Variants in NMNAT2 observed in about 807,000 individuals in gnomAD.
NMNAT2 encodes the protein nicotinamide nucleotide adenylyltransferase 2.
NMNAT2 carries 11 observed loss-of-function variants against 41.6 expected under a neutral mutation model. That is an observed-to-expected ratio of 0.26 (90% CI 0.17 to 0.44). NMNAT2 has a LOEUF of 0.44. Among genes scored for constraint, NMNAT2 ranks in the 20% least tolerant of loss-of-function variants. NMNAT2 has a pLI of 1.00. For missense variants in NMNAT2, 288 were observed against 407.7 expected, an observed-to-expected ratio of 0.71 and a Z score of 2.53; for synonymous variants, 148 against 151.2, an observed-to-expected ratio of 0.98 and a Z score of 0.16.
intron 1 of NMNAT2, among the ~76,000 whole-genome samples, chr1:183,352,562 CAA>C (rs55706245): frequency 0.014 from 1,108 of 79,116 alleles, 5 homozygotes; most frequent in African/African-American, 0.04. Context: ...CAGTCTGTCT[CAA>C]AAAAAAAAAA....
intron 1 of NMNAT2, among the ~76,000 whole-genome samples, chr1:183,310,018 T>C (rs1371903149): frequency 6.6e-6 from 1 of 152,190 alleles, no homozygotes; most frequent in Non-Finnish European, 1.5e-5. Flanking sequence ...ACCTGAAGAA[T>C]CATGGAAATT....
At chr1:183,370,271 CACACAG>C (rs2102365743) in intron 1 of NMNAT2, among the ~76,000 whole-genome samples, 1 of 150,290 alleles carries the variant, frequency 6.7e-6, no homozygotes, top group African/African-American at 2.5e-5. Flanking sequence ...CACACACACA[CACACAG>C]GCTGCAGTGG....
At chr1:183,320,976 C>T (rs916395114) in intron 1 of NMNAT2, among the ~76,000 whole-genome samples, 1 of 152,154 alleles carries the variant, frequency 6.6e-6, no homozygotes, top group Non-Finnish European at 1.5e-5. Context: ...CAATTCTAGT[C>T]CTTTCTGTGT....
At chr1:183,312,867 A>G (rs1047840405) in intron 1 of NMNAT2, among the ~76,000 whole-genome samples, 4 of 152,262 alleles carry the variant, frequency 2.6e-5, no homozygotes, top group Non-Finnish European at 5.9e-5. Flanking sequence ...ATGCATGGAC[A>G]GGTTCAACTG....
Position 183,249,202 on chromosome 1 carries a change from T to C in NMNAT2, c.*3439A>G, listed in dbSNP as rs942085558. The C allele has an allele frequency of 4.6e-5, 7 of 152,176 alleles. No homozygotes were observed. Among genetic ancestry groups the C allele is most frequent in the Admixed American group, 1.3e-4 (2 of 15,280 alleles). The allele number at this position is 152,176 out of a possible 1,614,324, so 9.4% of individuals were successfully genotyped here. ...TAAGAGACTTTCCCCCTTGTTCCTA[T>C]GTACATTCAAGGAAAATGAAAGCAA... On this transcript the variant is annotated 3_prime_UTR_variant, in exon 11 of 11. Transcript: ENST00000287713.
chr1:183,303,687 C>T (rs971298494), intron 1 of NMNAT2, among the ~76,000 whole-genome samples: 5 of 152,248 alleles, frequency 3.3e-5, no homozygotes, highest in Admixed American at 2.6e-4. Flanking sequence ...GGCCCTCCCT[C>T]TTCAAGTTGT....
chr1:183,366,936 T>C (rs1663426111), intron 1 of NMNAT2, among the ~76,000 whole-genome samples: 1 of 152,198 alleles, frequency 6.6e-6, no homozygotes, highest in African/African-American at 2.4e-5. Flanking sequence ...GGTATCTTTA[T>C]CTAAGCACCA....
chr1:183,326,969 A>G (rs1403589280), intron 1 of NMNAT2, among the ~76,000 whole-genome samples: 2 of 152,192 alleles, frequency 1.3e-5, no homozygotes, highest in Non-Finnish European at 2.9e-5. Flanking sequence ...ACAGAGAGGG[A>G]AAGAGTGGAC....
chr1:183,390,372 A>G (rs1648443954), intron 1 of NMNAT2, among the ~76,000 whole-genome samples: 2 of 152,158 alleles, frequency 1.3e-5, no homozygotes, highest in Non-Finnish European at 1.5e-5. Context: ...CAGTTTCCTT[A>G]TTATAACGGA....
chr1:183,407,365 G>A (rs1167272576), intron 1 of NMNAT2, among the ~76,000 whole-genome samples: 2 of 152,022 alleles, frequency 1.3e-5, no homozygotes, highest in East Asian at 3.9e-4. Context: ...GGCACCTCGT[G>A]TTTGCTGTCT....
intron 1 of NMNAT2, among the ~76,000 whole-genome samples, chr1:183,324,996 T>A (rs931512110): frequency 5.9e-5 from 9 of 152,098 alleles, no homozygotes; most frequent in African/African-American, 1.9e-4. Context: ...TGGATGTGGG[T>A]TCATGACAGT....
chr1:183,386,326 T>C (rs1183117738), intron 1 of NMNAT2, among the ~76,000 whole-genome samples: 1 of 152,142 alleles, frequency 6.6e-6, no homozygotes, highest in Non-Finnish European at 1.5e-5. Context: ...AAGACAGAGT[T>C]ATCTCATGTA....
chr1:183,357,967 C>G (rs1663233277), intron 1 of NMNAT2, among the ~76,000 whole-genome samples: 2 of 152,050 alleles, frequency 1.3e-5, no homozygotes, highest in Admixed American at 1.3e-4. Context: ...GATGCATGCA[C>G]ACGTATGTTC....
chr1:183,377,301 G>A (rs939161640), intron 1 of NMNAT2, among the ~76,000 whole-genome samples: 1 of 151,916 alleles, frequency 6.6e-6, no homozygotes, highest in Non-Finnish European at 1.5e-5. Context: ...CATCAGAGAA[G>A]GGACCCTCCC....
intron 1 of NMNAT2, among the ~76,000 whole-genome samples, chr1:183,337,333 T>C (rs1662697753): frequency 6.6e-6 from 1 of 152,284 alleles, no homozygotes; most frequent in African/African-American, 2.4e-5. Context: ...AGTAGTAGTA[T>C]ATTTTTAAAA....
At chr1:183,311,852 TGGGAGG>T (rs537676525) in intron 1 of NMNAT2, among the ~76,000 whole-genome samples, 2 of 151,874 alleles carry the variant, frequency 1.3e-5, no homozygotes, top group Non-Finnish European at 2.9e-5. Flanking sequence ...CCACATGTTG[TGGGAGG>T]GACTCGGTGG....
chr1:183,406,798 C>T (rs1433272712), intron 1 of NMNAT2, among the ~76,000 whole-genome samples: 1 of 110,354 alleles, frequency 9.1e-6, no homozygotes, highest in Non-Finnish European at 2.1e-5. Context: ...AGAAACTCAA[C>T]TGCTCTGCCA....
At chr1:183,407,821 A>G (rs897148658) in intron 1 of NMNAT2, among the ~76,000 whole-genome samples, 1 of 152,232 alleles carries the variant, frequency 6.6e-6, no homozygotes, top group South Asian at 2.1e-4. Flanking sequence ...GGTATATAAG[A>G]TATTACATTT....
intron 1 of NMNAT2, among the ~76,000 whole-genome samples, chr1:183,372,133 C>T (rs930344177): frequency 4.6e-5 from 7 of 152,138 alleles, no homozygotes; most frequent in Admixed American, 2.0e-4. Flanking sequence ...ATGTGACCTA[C>T]GTCCACTCTT....
Sources: gnomAD v4.1 joint callset for allele counts (sites outside exome capture counted in the v4.1 genomes callset) on GRCh38, gnomAD v4.1.1 for gene constraint, MANE v1.5 for transcripts, NCBI Gene and HGNC (gene_info 2026-07-23, HGNC 2026-07-21) for gene names.